The following DCDC2C variants were observed in gnomAD, a reference collection of about 807,000 sequenced individuals.
DCDC2C encodes doublecortin domain containing 2C, also known as doublecortin domain-containing protein 2C.
In DCDC2C, 44 loss-of-function variants were observed where a neutral mutation model predicts 45.0. The observed-to-expected ratio is 0.98, with a 90% confidence interval of 0.77 to 1.26. The LOEUF (loss-of-function observed/expected upper bound fraction) is 1.26, where lower values mean the gene tolerates loss of function less well. Ranked by LOEUF, DCDC2C falls within the 50% of genes most tolerant of loss-of-function variation. The probability of loss-of-function intolerance (pLI) is 0.00; values close to 1 mark genes in which losing one functional copy is unlikely to be tolerated. For synonymous variants in DCDC2C, 187 were observed against 178.8 expected, an observed-to-expected ratio of 1.05 and a Z score of -0.37; for missense variants, 447 against 468.9, an observed-to-expected ratio of 0.95 and a Z score of 0.43.
intron 3 of DCDC2C, among the ~76,000 whole-genome samples, chr2:3,732,234 A>G (rs1668892456): frequency 1.3e-5 from 2 of 151,866 alleles, no homozygotes; most frequent in African/African-American, 4.8e-5. Flanking sequence ...AAAAGGCAGG[A>G]GAATCTATGG....
chr2:3,798,940 C>T (rs1671036363), intron 10 of DCDC2C, among the ~76,000 whole-genome samples: 2 of 152,124 alleles, frequency 1.3e-5, no homozygotes, highest in Non-Finnish European at 2.9e-5. Context: ...TGGGGAAGTT[C>T]TCCTGGATAA....
intron 9 of DCDC2C, among the ~76,000 whole-genome samples, chr2:3,784,242 C>A (rs1271618224): frequency 6.6e-6 from 1 of 152,142 alleles, no homozygotes; most frequent in Non-Finnish European, 1.5e-5. Flanking sequence ...AATATGGATG[C>A]AGAAAAGTAG....
chr2:3,748,303 C>G (rs1669433673), intron 4 of DCDC2C, among the ~76,000 whole-genome samples: 2 of 138,974 alleles, frequency 1.4e-5, no homozygotes, highest in African/African-American at 5.2e-5. Context: ...GGCTGCATTA[C>G]TGTATGCAGT....
rs1198756780 is a variant in DCDC2C at position 3,769,391 on chromosome 2, C to T, written c.934C>T (p.Leu312=). 1.3e-6 allele frequency: 2 copies of T among 1,550,466 alleles called. No homozygotes were observed. The highest frequency in any genetic ancestry group is 2.4e-5 in the South Asian group (2 of 84,058). Residue 312 remains leucine (L), a synonymous_variant, in exon 8 of 11, where the codon CTG becomes TTG. Coordinates refer to ENST00000399143, the MANE Select transcript of DCDC2C (RefSeq NM_001287444.2). ...LDVKEEHNVQ[L]EVPVDQRQAE... is the part of the protein sequence containing the mutation. ...CGTCAAAGAGGAGCACAATGTGCAG[C>T]TGGAGGTGCCTGTGGACCAGGTGGG...
chr2:3,748,628 G>A (rs765307408), intron 4 of DCDC2C, among the ~76,000 whole-genome samples: 1 of 152,170 alleles, frequency 6.6e-6, no homozygotes, highest in Non-Finnish European at 1.5e-5. Context: ...GATCAGGCTG[G>A]AGAAACAGAC....
At chr2:3,836,668 C>T (rs1672082494) in intron 10 of DCDC2C, among the ~76,000 whole-genome samples, 1 of 152,128 alleles carries the variant, frequency 6.6e-6, no homozygotes, top group South Asian at 2.1e-4. Context: ...TGAGAACATC[C>T]TGGCTAACAG....
intron 10 of DCDC2C, among the ~76,000 whole-genome samples, chr2:3,791,602 G>T (rs763954941): frequency 6.6e-5 from 10 of 152,280 alleles, no homozygotes; most frequent in Non-Finnish European, 1.3e-4. Context: ...CCTCCTGGTT[G>T]CTAGGCTGAG....
At chr2:3,824,445 G>C (rs1427803759) in intron 10 of DCDC2C, among the ~76,000 whole-genome samples, 1 of 152,206 alleles carries the variant, frequency 6.6e-6, no homozygotes, top group African/African-American at 2.4e-5. Context: ...TGGTGGGCTG[G>C]ATTTGATACA....
chr2:3,767,914 C>T (rs1404628459), intron 7 of DCDC2C, 34 bp downstream of exon 7: 24 of 1,399,492 alleles, frequency 1.7e-5, no homozygotes, highest in Non-Finnish European at 1.9e-5. Flanking sequence ...GTAGGCAGTT[C>T]GAAACTTTAC....
chr2:3,727,079 AGT>A lies in DCDC2C; in HGVS notation c.416+2_416+3del. The A allele has an allele frequency of 6.5e-7, 1 of 1,547,760 alleles. No individual in the cohort carries two copies. Among genetic ancestry groups the A allele is most frequent in the Non-Finnish European group, 8.7e-7 (1 of 1,144,648 alleles). ...TATCATCGTATATCTCGACATATAA[AGT>A]GAGTATAATATTATGGGTGAAAAAA... is the stretch of plus-strand genomic sequence containing the variant. On this transcript the variant is annotated splice_donor_variant, in intron 3 of 10. Coordinates refer to ENST00000399143, the MANE Select transcript of DCDC2C (RefSeq NM_001287444.2). LOFTEE classifies it high-confidence loss of function.
intron 6 of DCDC2C, among the ~76,000 whole-genome samples, chr2:3,755,405 G>A (rs908277458): frequency 6.6e-6 from 1 of 150,450 alleles, no homozygotes; most frequent in Non-Finnish European, 1.5e-5. Flanking sequence ...ACATATGTAT[G>A]TATTTAAATA....
At chr2:3,708,015 A>G (rs1363502093) in intron 1 of DCDC2C, among the ~76,000 whole-genome samples, 2 of 152,188 alleles carry the variant, frequency 1.3e-5, no homozygotes, top group Admixed American at 6.5e-5. Flanking sequence ...AAAGTCCCCA[A>G]CAGTAAAAAA....
chr2:3,754,460 C>T (rs1669628654), intron 5 of DCDC2C, 132 bp from the exon 6 acceptor site: 12 of 778,414 alleles, frequency 1.5e-5, no homozygotes, highest in South Asian at 1.2e-4. Flanking sequence ...TGCCATGAGC[C>T]GTGTCCTCTG....
chr2:3,760,943 T>C (rs1669864193), intron 6 of DCDC2C, among the ~76,000 whole-genome samples: 1 of 152,194 alleles, frequency 6.6e-6, no homozygotes, highest in South Asian at 2.1e-4. Flanking sequence ...TAGCCTGCAT[T>C]ATTCTATTGG....
At chr2:3,748,921 G>T (rs1669454681) in intron 4 of DCDC2C, among the ~76,000 whole-genome samples, 1 of 152,174 alleles carries the variant, frequency 6.6e-6, no homozygotes, top group South Asian at 2.1e-4. Flanking sequence ...GGAGTCCAGG[G>T]TTCAGGGTAC....
At chr2:3,766,074 G>T (rs1466974166) in intron 6 of DCDC2C, among the ~76,000 whole-genome samples, 3 of 152,036 alleles carry the variant, frequency 2.0e-5, no homozygotes, top group Non-Finnish European at 4.4e-5. Context: ...TTTCGTTTTG[G>T]GTGACTTTCC....
intron 10 of DCDC2C, among the ~76,000 whole-genome samples, chr2:3,817,040 A>G (rs924328925): frequency 2.0e-5 from 3 of 152,200 alleles, no homozygotes; most frequent in Non-Finnish European, 4.4e-5. Flanking sequence ...TCCAAGAACC[A>G]TTTGCCTTGT....
chr2:3,823,791 A>G (rs1015231285), intron 10 of DCDC2C, among the ~76,000 whole-genome samples: 6 of 152,116 alleles, frequency 3.9e-5, no homozygotes, highest in Non-Finnish European at 8.8e-5. Flanking sequence ...TTTTCATCAA[A>G]TTCAACTGTA....
chr2:3,745,027 C>T lies in DCDC2C; in HGVS notation c.545+2979C>T, dbSNP rs536466800. On this transcript the variant is annotated intron_variant, in intron 4 of 10. Transcript: ENST00000399143. ...TTTATTTTTAGACTTGCTCTGTTGC[C>T]TGGGCTGGAGTGCAATGGTGCAATC... 3.9e-5 allele frequency among the ~76,000 whole-genome samples: 6 copies of T among 152,226 alleles called. No individual in the cohort carries two copies. The South Asian group carries it at 1.2e-3, about 32-fold the overall frequency.
Sources: allele counts gnomAD v4.1 joint callset (sites outside exome capture counted in the v4.1 genomes callset), GRCh38; gene constraint gnomAD v4.1.1; transcripts MANE v1.5; gene names NCBI Gene and HGNC (gene_info 2026-07-23, HGNC 2026-07-21).